Variants in PRICKLE2 observed in about 807,000 individuals in gnomAD.
PRICKLE2 encodes the protein prickle planar cell polarity protein 2.
A neutral mutation model predicts 81.4 loss-of-function variants in PRICKLE2; 21 were observed. That is an observed-to-expected ratio of 0.26 (90% CI 0.18 to 0.37). The LOEUF is 0.37. Ranked by LOEUF, PRICKLE2 falls within the 10% of genes least tolerant of loss-of-function variation. The probability of loss-of-function intolerance (pLI) is 1.00; values close to 1 mark genes in which losing one functional copy is unlikely to be tolerated. For synonymous variants in PRICKLE2, 456 were observed against 421.5 expected (o/e 1.08, Z -1.00); for missense variants, 940 against 1,109.0 (o/e 0.85, Z 2.16).
intron 2 of PRICKLE2, chr3:64,163,603 T>C (rs2077770608): frequency 1.1e-5 from 2 of 182,204 alleles, no homozygotes; most frequent in African/African-American, 2.4e-5. Context: ...CACCTACATT[T>C]AAAGCCCTCC....
chr3:64,159,860 A>G, intron 4 of PRICKLE2, 80 bp downstream of exon 4: 1 of 1,565,430 alleles, frequency 6.4e-7, no homozygotes, highest in Non-Finnish European at 8.8e-7. Context: ...GTAGGCACTC[A>G]GTAAAACAAT....
In PRICKLE2 at chr3:64,095,707, C is replaced by A. The variant is rs1047591651; in HGVS notation, c.*3344G>T. On this transcript the variant is annotated 3_prime_UTR_variant, in exon 8 of 8. Coordinates refer to ENST00000638394, the MANE Select transcript of PRICKLE2 (RefSeq NM_198859.4). The stretch of plus-strand genomic sequence containing the variant: ...AAATGAGGATTAGAAAGCACTACTT[C>A]CAGATCCTGTATTAGAAACACAAAA... 6.6e-6 allele frequency: 1 copy of A among 152,152 alleles called. No homozygotes were observed. Among genetic ancestry groups the A allele is most frequent in the African/African-American group, 2.4e-5 (1 of 41,416 alleles). The allele number at this position is 152,152 out of a possible 1,614,324, so 9.4% of individuals were successfully genotyped here.
chr3:64,207,647 T>C (rs774817864), intron 1 of PRICKLE2, among the ~76,000 whole-genome samples: 1 of 152,146 alleles, frequency 6.6e-6, no homozygotes, highest in Non-Finnish European at 1.5e-5. Context: ...ACTTATGTAA[T>C]GTAAAAGATA....
chr3:64,133,164 T>C (rs1338981638), intron 7 of PRICKLE2, among the ~76,000 whole-genome samples: 1 of 152,152 alleles, frequency 6.6e-6, no homozygotes, highest in Non-Finnish European at 1.5e-5. Context: ...ATTAAACCGC[T>C]TCAGAAGGCA....
At chr3:64,112,850 G>A (rs1391427856) in intron 7 of PRICKLE2, among the ~76,000 whole-genome samples, 2 of 152,160 alleles carry the variant, frequency 1.3e-5, no homozygotes, top group Non-Finnish European at 2.9e-5. Context: ...AGGGGGAGAA[G>A]GCAAGATGGC....
At chr3:64,202,638 T>TTGTGTGTGTG (rs1442686594) in intron 1 of PRICKLE2, among the ~76,000 whole-genome samples, 2 of 69,016 alleles carry the variant, frequency 2.9e-5, no homozygotes, top group African/African-American at 8.7e-5. Context: ...GTTTAGGTAC[T>TTGTGTGTGTG]TGTGTGCGTG....
intron 2 of PRICKLE2, among the ~76,000 whole-genome samples, chr3:64,253,412 C>T (rs34481133): frequency 0.33 from 49,696 of 151,982 alleles, 9,656 homozygotes; most frequent in Admixed American, 0.45. Flanking sequence ...CTACCTCTGC[C>T]GGTCACCCTA....
upstream of PRICKLE2, among the ~76,000 whole-genome samples, chr3:64,227,916 T>C (rs576161320): frequency 1.5e-3 from 221 of 152,296 alleles, 1 homozygote; most frequent in Non-Finnish European, 2.4e-3. Context: ...GACTGCAAAA[T>C]CATCTTTATT....
intron 1 of PRICKLE2, among the ~76,000 whole-genome samples, chr3:64,222,363 G>T (rs1042838141): frequency 8.5e-5 from 13 of 152,320 alleles, no homozygotes; most frequent in Middle Eastern, 3.4e-3. Flanking sequence ...TCTTGGGAAA[G>T]AATTTTATGG....
intron 5 of PRICKLE2, among the ~76,000 whole-genome samples, chr3:64,155,389 A>C (rs1425400045): frequency 6.6e-6 from 1 of 151,844 alleles, no homozygotes; most frequent in Non-Finnish European, 1.5e-5. Flanking sequence ...AGATAATAAC[A>C]AGTATTAGTG....
chr3:64,262,466 T>G (rs1249138667), intron 2 of PRICKLE2, among the ~76,000 whole-genome samples: 1 of 152,164 alleles, frequency 6.6e-6, no homozygotes, highest in East Asian at 1.9e-4. Flanking sequence ...GATGTGTATC[T>G]AAGTCTGGAG....
chr3:64,197,499 C>T (rs1428851409), intron 2 of PRICKLE2, among the ~76,000 whole-genome samples: 1 of 152,084 alleles, frequency 6.6e-6, no homozygotes, highest in South Asian at 2.1e-4. Context: ...TAGACTCATA[C>T]ACACAATAGA....
upstream of PRICKLE2, among the ~76,000 whole-genome samples, chr3:64,226,774 T>C (rs2079037370): frequency 6.6e-6 from 1 of 152,242 alleles, no homozygotes; most frequent in Admixed American, 6.5e-5. Flanking sequence ...CAATGCTGCC[T>C]GTGCAGTATC....
chr3:64,151,199 A>G (rs17070003), intron 6 of PRICKLE2, among the ~76,000 whole-genome samples: 6,682 of 152,328 alleles, frequency 0.044, 487 homozygotes, highest in African/African-American at 0.15. Context: ...TGAGGTATGC[A>G]TGCTATATAG....
chr3:64,162,962 C>A (rs2077758561), intron 3 of PRICKLE2, 54 bp downstream of exon 3: 6 of 1,075,354 alleles, frequency 5.6e-6, no homozygotes, highest in Non-Finnish European at 2.9e-6. Flanking sequence ...AAAAAGGTAA[C>A]AATTCATAGA....
At chr3:64,152,231 A>G (rs1375915884) in intron 6 of PRICKLE2, among the ~76,000 whole-genome samples, 1 of 152,160 alleles carries the variant, frequency 6.6e-6, no homozygotes, top group Non-Finnish European at 1.5e-5. Context: ...TAGGTAAGAA[A>G]TCGGCAGCTT....
intron 7 of PRICKLE2, among the ~76,000 whole-genome samples, chr3:64,112,416 A>G (rs527415812): frequency 2.6e-5 from 4 of 152,362 alleles, no homozygotes. Context: ...TTTGTGGGAC[A>G]GCAGTTCATG....
intron 2 of PRICKLE2, among the ~76,000 whole-genome samples, chr3:64,238,543 AATTAGGGCTAAC>A (rs1415642007): frequency 2.0e-5 from 3 of 152,030 alleles, no homozygotes; most frequent in Non-Finnish European, 2.9e-5. Context: ...AACTTGGTAG[AATTAGGGCTAAC>A]ATGTAGGGGT....
chr3:64,196,476 A>G (rs1263567648), intron 2 of PRICKLE2, among the ~76,000 whole-genome samples: 1 of 152,242 alleles, frequency 6.6e-6, no homozygotes, highest in African/African-American at 2.4e-5. Flanking sequence ...TTATGCGGTC[A>G]GCCACTACCC....
Sources: allele counts gnomAD v4.1 joint callset (sites outside exome capture counted in the v4.1 genomes callset), GRCh38; gene constraint gnomAD v4.1.1; transcripts MANE v1.5; gene names NCBI Gene and HGNC (gene_info 2026-07-23, HGNC 2026-07-21).